PCDH9: variants seen among roughly 807,000 people sequenced by gnomAD.
The protein encoded by PCDH9 is protocadherin 9, also known as protocadherin-9.
In PCDH9, 24 loss-of-function variants were observed where a neutral mutation model predicts 70.6. The observed-to-expected ratio is 0.34, with a 90% CI of 0.25 to 0.48. PCDH9 has a LOEUF of 0.48. Among genes scored for constraint, PCDH9 ranks in the 20% least tolerant of loss-of-function variants. The probability of loss-of-function intolerance (pLI) is 0.99; values close to 1 mark genes in which losing one functional copy is unlikely to be tolerated. For synonymous variants in PCDH9, 562 were observed against 558.5 expected (o/e 1.01, Z -0.09); for missense variants, 1,281 against 1,503.6 (o/e 0.85, Z 2.45).
At chr13:66,316,350 C>A (rs1955651472) in intron 4 of PCDH9, among the ~76,000 whole-genome samples, 1 of 152,196 alleles carries the variant, frequency 6.6e-6, no homozygotes, top group Non-Finnish European at 1.5e-5. Flanking sequence ...TTCAGACTAA[C>A]ACAGTATTTA....
At chr13:66,973,806 G>A (rs1196256805) in intron 2 of PCDH9, among the ~76,000 whole-genome samples, 2 of 151,918 alleles carry the variant, frequency 1.3e-5, no homozygotes, top group Admixed American at 6.6e-5. Flanking sequence ...TAATGTGTCT[G>A]ACCTAAAACT....
chr13:66,362,400 G>T (rs1191376789), intron 4 of PCDH9, among the ~76,000 whole-genome samples: 1 of 151,994 alleles, frequency 6.6e-6, no homozygotes, highest in Admixed American at 6.6e-5. Flanking sequence ...TCCATCAGGG[G>T]GCTATTCTCA....
chr13:66,791,073 T>C (rs1158807878), intron 3 of PCDH9, among the ~76,000 whole-genome samples: 2 of 152,166 alleles, frequency 1.3e-5, no homozygotes, highest in Non-Finnish European at 1.5e-5. Flanking sequence ...AGGTTAGCTA[T>C]CATCCTACAC....
At chr13:66,851,917 G>A (rs191205263) in intron 3 of PCDH9, among the ~76,000 whole-genome samples, 1 of 152,194 alleles carries the variant, frequency 6.6e-6, no homozygotes, top group East Asian at 1.9e-4. Context: ...TTCTGGTAAA[G>A]TTTCCCTTCC....
intron 4 of PCDH9, among the ~76,000 whole-genome samples, chr13:66,341,812 G>GAACAGA (rs1310852574): frequency 1.3e-5 from 2 of 152,200 alleles, no homozygotes; most frequent in Non-Finnish European, 2.9e-5. Flanking sequence ...GGTCAGGGCA[G>GAACAGA]AACAGAGGCA....
intron 3 of PCDH9, among the ~76,000 whole-genome samples, chr13:66,856,761 TTAA>T (rs1464722042): frequency 6.6e-6 from 1 of 152,080 alleles, no homozygotes; most frequent in Non-Finnish European, 1.5e-5. Flanking sequence ...AGCATTGATA[TTAA>T]TAATATCTTA....
chr13:66,570,444 G>A (rs564822551), intron 4 of PCDH9, among the ~76,000 whole-genome samples: 1 of 152,202 alleles, frequency 6.6e-6, no homozygotes, highest in East Asian at 1.9e-4. Context: ...TAAAACTAAT[G>A]AAATCTGAAT....
intron 4 of PCDH9, among the ~76,000 whole-genome samples, chr13:66,393,343 A>G (rs10507735): frequency 0.09 from 13,723 of 152,222 alleles, 678 homozygotes; most frequent in Middle Eastern, 0.13. Context: ...GCAAACAACC[A>G]TAGGCACAGC....
intron 3 of PCDH9, among the ~76,000 whole-genome samples, chr13:66,878,880 G>C (rs2081870631): frequency 6.6e-6 from 1 of 152,154 alleles, no homozygotes; most frequent in Non-Finnish European, 1.5e-5. Context: ...ATAGCTTCAA[G>C]TGTTTTGTAA....
chr13:66,535,361 G>A (rs1960652956), intron 4 of PCDH9, among the ~76,000 whole-genome samples: 1 of 151,848 alleles, frequency 6.6e-6, no homozygotes, highest in Non-Finnish European at 1.5e-5. Flanking sequence ...AAGAAACAGA[G>A]TATCACTGCA....
At chr13:66,780,567 A>G (rs191975448) in intron 3 of PCDH9, among the ~76,000 whole-genome samples, 1 of 152,150 alleles carries the variant, frequency 6.6e-6, no homozygotes, top group Non-Finnish European at 1.5e-5. Context: ...TTCAGTCAAC[A>G]GCAATTTTTT....
intron 4 of PCDH9, among the ~76,000 whole-genome samples, chr13:66,626,951 CTGTGTGTGTGTGTGTGTG>C: frequency 6.8e-6 from 1 of 147,382 alleles, no homozygotes; most frequent in South Asian, 2.2e-4. Flanking sequence ...TCAAATGCCA[CTGTGTGTGTGTGTGTGTG>C]TGTGTGTGTG....
chr13:66,359,301 T>C (rs1425667139), intron 4 of PCDH9, among the ~76,000 whole-genome samples: 2 of 151,986 alleles, frequency 1.3e-5, no homozygotes, highest in Non-Finnish European at 2.9e-5. Context: ...CCGCAGGGGC[T>C]GTTGATATCC....
chr13:66,779,587 C>T (rs1451205120), intron 3 of PCDH9, among the ~76,000 whole-genome samples: 1 of 151,902 alleles, frequency 6.6e-6, no homozygotes, highest in Non-Finnish European at 1.5e-5. Context: ...CTTTGGGAGG[C>T]GGAGGCAGGC....
intron 3 of PCDH9, among the ~76,000 whole-genome samples, chr13:66,697,405 T>C (rs1374469714): frequency 6.6e-6 from 1 of 152,172 alleles, no homozygotes; most frequent in Non-Finnish European, 1.5e-5. Context: ...AGATAAATTG[T>C]ACCATACAAT....
At chr13:66,375,516 A>G (rs1024783080) in intron 4 of PCDH9, among the ~76,000 whole-genome samples, 6 of 152,148 alleles carry the variant, frequency 3.9e-5, no homozygotes, top group African/African-American at 1.4e-4. Flanking sequence ...AATAGGAAAT[A>G]GCAGGACAAG....
At chr13:66,990,382 C>T (rs117519295) in intron 2 of PCDH9, among the ~76,000 whole-genome samples, 68 of 151,680 alleles carry the variant, frequency 4.5e-4, no homozygotes, top group African/African-American at 1.6e-3. Flanking sequence ...AAGAATATAA[C>T]ATTTTTCATA....
intron 2 of PCDH9, among the ~76,000 whole-genome samples, chr13:66,912,628 A>G (rs2082487491): frequency 6.6e-6 from 1 of 152,088 alleles, no homozygotes; most frequent in South Asian, 2.1e-4. Flanking sequence ...AATATTCATT[A>G]AACAAAATCA....
intron 3 of PCDH9, among the ~76,000 whole-genome samples, chr13:66,887,060 CACACACACACACACACA>C (rs2082017125): frequency 6.6e-6 from 1 of 151,448 alleles, no homozygotes; most frequent in African/African-American, 2.4e-5. Flanking sequence ...CACACACACA[CACACACACACACACACA>C]CCCTGTATTT....
Sources: allele counts gnomAD v4.1 joint callset (sites outside exome capture counted in the v4.1 genomes callset), GRCh38; gene constraint gnomAD v4.1.1; transcripts MANE v1.5; gene names NCBI Gene and HGNC (gene_info 2026-07-23, HGNC 2026-07-21).